Variants in PLCH1 observed in about 807,000 individuals in gnomAD.
PLCH1 encodes 1-phosphatidylinositol 4,5-bisphosphate phosphodiesterase eta-1.
PLCH1 carries 60 observed loss-of-function variants against 126.7 expected under a neutral mutation model. That is an observed-to-expected ratio of 0.47 (90% CI 0.38 to 0.59). The LOEUF is 0.59. Among genes scored for constraint, PLCH1 ranks in the 20% least tolerant of loss-of-function variants. The pLI, the probability that PLCH1 is intolerant of heterozygous loss-of-function variation, is 0.00. For synonymous variants in PLCH1, 719 were observed against 734.9 expected (o/e 0.98, Z 0.35); for missense variants, 1,723 against 2,040.0 (o/e 0.84, Z 2.99).
At position 155,481,862 on chromosome 3, in the gene PLCH1, C is replaced by A; in HGVS notation, c.4164G>T (p.Val1388=). Residue 1388 remains valine (V), a synonymous_variant, in exon 23 of 23, where the codon GTG becomes GTT. Transcript: ENST00000460012. This position sits in a 1 kb window ranked among gnomAD's most constrained non-coding sequence, Gnocchi z 4.2. ...TCAAACCTCTTTGAAAGTGTTCTAC[C>A]ACACCCTGATTGTACTTGAGTTTTA... ...SPLKLKYNQG[V]VEHFQRGLRN... The A allele has an allele frequency of 1.2e-6, 2 of 1,614,070 alleles. No individual in the cohort carries two copies. Among genetic ancestry groups the A allele is most frequent in the Non-Finnish European group, 1.7e-6 (2 of 1,180,018 alleles).
intron 13 of PLCH1, among the ~76,000 whole-genome samples, chr3:155,501,619 A>C (rs994469178): frequency 6.6e-6 from 1 of 151,634 alleles, no homozygotes; most frequent in African/African-American, 2.4e-5. Flanking sequence ...AAATGGTGAA[A>C]CCTCATCTCT....
intron 1 of PLCH1, among the ~76,000 whole-genome samples, chr3:155,719,007 T>C (rs1249277495): frequency 2.0e-5 from 3 of 152,208 alleles, no homozygotes; most frequent in Non-Finnish European, 4.4e-5. Flanking sequence ...TATCCCTAGA[T>C]GCATGGAAGT....
chr3:155,714,034 G>T (rs972333099), intron 1 of PLCH1, among the ~76,000 whole-genome samples: 6 of 152,056 alleles, frequency 3.9e-5, no homozygotes, highest in Non-Finnish European at 7.4e-5. Flanking sequence ...AAATTAATAA[G>T]CTCTGACAGT....
In PLCH1 at chr3:155,480,688, C is replaced by A; in HGVS notation, c.*280G>T. 3.0e-6 allele frequency: 1 copy of A among 330,374 alleles called. No homozygotes were observed. Among genetic ancestry groups the A allele is most frequent in the Non-Finnish European group, 5.5e-6 (1 of 180,468 alleles). 20.5% of individuals were successfully genotyped at this position (330,374 alleles called of 1,614,324 possible). A position where few individuals can be genotyped will look rare whatever the true frequency, so the allele number is the denominator to read the frequency against. Reference sequence around the variant, plus strand: ...GGTGAAACACACACACATTATAACCCGAGCTGCTGAGGAGTTTCACATCTA... The same window carrying A: ...GGTGAAACACACACACATTATAACCAGAGCTGCTGAGGAGTTTCACATCTA... On this transcript the variant is annotated 3_prime_UTR_variant, in exon 23 of 23. Transcript: ENST00000460012.
At chr3:155,635,586 A>G (rs1380004662) in intron 2 of PLCH1, among the ~76,000 whole-genome samples, 1 of 152,208 alleles carries the variant, frequency 6.6e-6, no homozygotes, top group Admixed American at 6.5e-5. Context: ...AGTACACCTT[A>G]TTTTTGTGAC....
At chr3:155,547,762 T>C (rs899065800) in intron 10 of PLCH1, among the ~76,000 whole-genome samples, 3 of 150,810 alleles carry the variant, frequency 2.0e-5, no homozygotes, top group African/African-American at 4.9e-5. Context: ...AAATTGGAAA[T>C]CATCATTCTC....
At chr3:155,705,953 A>G (rs1746624434) in intron 1 of PLCH1, among the ~76,000 whole-genome samples, 1 of 152,050 alleles carries the variant, frequency 6.6e-6, no homozygotes, top group African/African-American at 2.4e-5. Flanking sequence ...AGGCGGATGG[A>G]TCACGAGGTC....
chr3:155,691,388 A>G (rs1745370592), intron 2 of PLCH1, among the ~76,000 whole-genome samples: 1 of 152,220 alleles, frequency 6.6e-6, no homozygotes, highest in Admixed American at 6.5e-5. Flanking sequence ...AAACTCAGTT[A>G]TAGCAACAAC....
At chr3:155,657,978 G>T (rs531976563) in intron 2 of PLCH1, 1 of 156,056 alleles carries the variant, frequency 6.4e-6, no homozygotes, top group Non-Finnish European at 1.4e-5. Context: ...AGAAAGGCCA[G>T]ATACAAGAGG....
At chr3:155,734,572 T>C (rs1749012892) in intron 1 of PLCH1, among the ~76,000 whole-genome samples, 1 of 152,134 alleles carries the variant, frequency 6.6e-6, no homozygotes, top group African/African-American at 2.4e-5. Flanking sequence ...GTCAAAGAAT[T>C]ATCTTCACTC....
At chr3:155,537,140 G>A (rs939455078) in intron 10 of PLCH1, among the ~76,000 whole-genome samples, 2 of 133,034 alleles carry the variant, frequency 1.5e-5, no homozygotes, top group African/African-American at 2.9e-5. Context: ...TCAGATCATA[G>A]GCAACAAAAA....
At chr3:155,541,816 T>TCACACA (rs111762149) in intron 10 of PLCH1, among the ~76,000 whole-genome samples, 84 of 150,380 alleles carry the variant, frequency 5.6e-4, no homozygotes, top group South Asian at 3.1e-3. Flanking sequence ...CTTCAATTTG[T>TCACACA]TACACACACA....
At chr3:155,517,040 C>T (rs1269521429) in intron 11 of PLCH1, among the ~76,000 whole-genome samples, 1 of 152,118 alleles carries the variant, frequency 6.6e-6, no homozygotes. Flanking sequence ...GGTGCCATGG[C>T]TCATGTCTGT....
chr3:155,571,052 A>G (rs7610818), intron 6 of PLCH1, among the ~76,000 whole-genome samples: 23,331 of 152,118 alleles, frequency 0.15, 3,121 homozygotes, highest in African/African-American at 0.37. Flanking sequence ...GAAACTAGTC[A>G]TAGATCTATA....
intron 2 of PLCH1, among the ~76,000 whole-genome samples, chr3:155,620,816 G>T (rs10936011): frequency 6.6e-6 from 1 of 150,462 alleles, no homozygotes; most frequent in African/African-American, 2.5e-5. Flanking sequence ...CTGGGGGAAG[G>T]GGCAGCTGTG....
intron 10 of PLCH1, among the ~76,000 whole-genome samples, chr3:155,530,565 C>A (rs1232385195): frequency 8.4e-6 from 1 of 119,616 alleles, no homozygotes; most frequent in African/African-American, 3.4e-5. Flanking sequence ...GATCTGCCCA[C>A]CTCGGTCTCC....
intron 1 of PLCH1, among the ~76,000 whole-genome samples, chr3:155,717,638 A>C (rs1747626215): frequency 6.6e-6 from 1 of 152,218 alleles, no homozygotes; most frequent in African/African-American, 2.4e-5. Context: ...CTAATGCCGG[A>C]GCAGCCGGGA....
chr3:155,469,884 A>G (rs2107981414), intron 21 of PLCH1, among the ~76,000 whole-genome samples: 1 of 152,244 alleles, frequency 6.6e-6, no homozygotes, highest in South Asian at 2.1e-4. Flanking sequence ...TAGAAGGAAA[A>G]CTAACAAACA....
chr3:155,476,082 T>C (rs1446517042), downstream of PLCH1, among the ~76,000 whole-genome samples: 1 of 152,022 alleles, frequency 6.6e-6, no homozygotes, highest in Non-Finnish European at 1.5e-5. Flanking sequence ...AGCAAACCAA[T>C]TCAGCAATAC....
Sources: allele counts gnomAD v4.1 joint callset (sites outside exome capture counted in the v4.1 genomes callset), GRCh38; gene constraint gnomAD v4.1.1; non-coding constraint Gnocchi (gnomAD v3.1); transcripts MANE v1.5; gene names NCBI Gene and HGNC (gene_info 2026-07-23, HGNC 2026-07-21).